The following ZBTB8OS variants were observed in gnomAD, a reference collection of about 807,000 sequenced individuals.
The protein encoded by ZBTB8OS is tRNA splicing ligase complex subunit 1, also known as tRNA-splicing ligase-activating factor archease.
In ZBTB8OS, 16 loss-of-function variants were observed where a neutral mutation model predicts 29.3. That is an observed-to-expected ratio of 0.55 (90% CI 0.37 to 0.83). ZBTB8OS has a LOEUF of 0.83. Among genes scored for constraint, ZBTB8OS ranks in the 40% least tolerant of loss-of-function variants. The pLI is 0.00. For missense variants in ZBTB8OS, 160 were observed against 196.9 expected (o/e 0.81, Z 1.12); for synonymous variants, 70 against 64.6 (o/e 1.08, Z -0.40).
At chr1:32,646,630 C>T (rs540298250) in intron 1 of ZBTB8OS, among the ~76,000 whole-genome samples, 59 of 151,090 alleles carry the variant, frequency 3.9e-4, no homozygotes, top group Non-Finnish European at 7.7e-4. Context: ...CCTCGTGATC[C>T]GCCGGCCAAA....
chr1:32,650,420 G>C lies in ZBTB8OS; in HGVS notation c.97+13C>G. On this transcript the variant is annotated intron_variant, in intron 1 of 6. Transcript: ENST00000468695. ...TGCTTACATGTAAAGAGAGAAGTAAGCCACCTACTCACACTCGTACTTCCT... is the reference window on the plus strand; with the variant it reads ...TGCTTACATGTAAAGAGAGAAGTAACCCACCTACTCACACTCGTACTTCCT... 1 of 1,614,098 alleles carries C rather than the reference G, an allele frequency of 6.2e-7. No homozygotes were observed. Among genetic ancestry groups the C allele is most frequent in the Non-Finnish European group, 8.5e-7 (1 of 1,179,976 alleles).
chr1:32,641,869 C>T (rs893440016), intron 1 of ZBTB8OS, among the ~76,000 whole-genome samples: 1 of 151,998 alleles, frequency 6.6e-6, no homozygotes, highest in Admixed American at 6.6e-5. Context: ...TGCAGTGAGC[C>T]GAGATTGTGC....
intron 1 of ZBTB8OS, among the ~76,000 whole-genome samples, chr1:32,642,931 C>G (rs1003565117): frequency 1.4e-5 from 2 of 140,198 alleles, no homozygotes; most frequent in Non-Finnish European, 3.1e-5. Flanking sequence ...CCACCACGCA[C>G]GGCTAATTTT....
rs577098954 is a variant in ZBTB8OS, at chr1:32,650,299, C to T, written c.97+134G>A. The T allele has an allele frequency of 1.4e-5, 18 of 1,261,342 alleles. 1 individual carries two copies. The South Asian group carries it at 2.5e-4, about 17-fold the overall frequency. The allele number at this position is 1,261,342 out of a possible 1,614,324, so 78.1% of individuals were successfully genotyped here. ...CCCAGGAGAAGTACGAACGCGACTA[C>T]AACAGCCGGCACAAATGGGATCATG... On this transcript the variant is annotated intron_variant, in intron 1 of 6. Coordinates refer to ENST00000468695, the MANE Select transcript of ZBTB8OS (RefSeq NM_178547.5).
intron 1 of ZBTB8OS, among the ~76,000 whole-genome samples, chr1:32,649,011 G>A (rs1290256201): frequency 2.1e-5 from 3 of 141,228 alleles, no homozygotes; most frequent in Non-Finnish European, 4.5e-5. Flanking sequence ...CTGTTGCCCA[G>A]GCTGGAGTGC....
chr1:32,622,490 T>C (rs1223141181), intron 6 of ZBTB8OS, among the ~76,000 whole-genome samples: 1 of 152,110 alleles, frequency 6.6e-6, no homozygotes, highest in African/African-American at 2.4e-5. Context: ...TCAAATACCA[T>C]GTTTCCATAT....
intron 4 of ZBTB8OS, chr1:32,632,231 A>G (rs1557768864): frequency 6.5e-6 from 1 of 154,752 alleles, no homozygotes; most frequent in Admixed American, 6.6e-5. Context: ...CTGGTCTCGA[A>G]CTCCTGACCT....
intron 2 of ZBTB8OS, 24 bp from the exon 3 acceptor site, chr1:32,634,096 G>GT: frequency 6.9e-7 from 1 of 1,444,286 alleles, no homozygotes; most frequent in African/African-American, 1.5e-5. Context: ...TTCATGCTCT[G>GT]TGTAATACAA....
At chr1:32,628,063 G>C (rs1241901860) in intron 5 of ZBTB8OS, among the ~76,000 whole-genome samples, 1 of 152,072 alleles carries the variant, frequency 6.6e-6, no homozygotes. Context: ...TTTAATTATA[G>C]GCCAGGCGCG....
At chr1:32,636,693 G>GA (rs57720228) in intron 1 of ZBTB8OS, among the ~76,000 whole-genome samples, 3,241 of 138,120 alleles carry the variant, frequency 0.023, 115 homozygotes, top group African/African-American at 0.065. Flanking sequence ...TCAAAAAATG[G>GA]AAAAAAAAAA....
At chr1:32,637,932 C>T (rs1414404333) in intron 1 of ZBTB8OS, among the ~76,000 whole-genome samples, 1 of 152,100 alleles carries the variant, frequency 6.6e-6, no homozygotes, top group Non-Finnish European at 1.5e-5. Flanking sequence ...CTCCCAGGTT[C>T]AAGTGATTCT....
chr1:32,621,639 T>G lies in ZBTB8OS; in HGVS notation c.*223A>C. 1.0e-5 allele frequency: 5 copies of G among 495,636 alleles called. No homozygotes were observed. The highest frequency in any genetic ancestry group is 2.0e-5 in the African/African-American group (1 of 49,980). The allele number at this position is 495,636 out of a possible 1,614,324, so 30.7% of individuals were successfully genotyped here. A position where few individuals can be genotyped will look rare whatever the true frequency, so the allele number is the denominator to read the frequency against. On this transcript the variant is annotated 3_prime_UTR_variant, in exon 7 of 7. Transcript: ENST00000468695. ...GAATCAAAGGACCATAACTGTCCCT[T>G]GGGGGGTTGAAGAATTCTTTAAAGT...
chr1:32,641,076 G>A (rs1251856765), intron 1 of ZBTB8OS, among the ~76,000 whole-genome samples: 3 of 151,692 alleles, frequency 2.0e-5, no homozygotes, highest in African/African-American at 7.2e-5. Context: ...GGAGGCCGAG[G>A]CAGAAGAATC....
intron 1 of ZBTB8OS, among the ~76,000 whole-genome samples, chr1:32,635,779 G>A (rs1645906710): frequency 6.6e-6 from 1 of 152,060 alleles, no homozygotes; most frequent in Non-Finnish European, 1.5e-5. Flanking sequence ...GTTCATTTCT[G>A]GTGGGCCCAA....
intron 1 of ZBTB8OS, among the ~76,000 whole-genome samples, chr1:32,649,468 A>C (rs1299024255): frequency 6.6e-6 from 1 of 152,134 alleles, no homozygotes; most frequent in Non-Finnish European, 1.5e-5. Flanking sequence ...TTTAGGGATG[A>C]CAGCTTAACG....
chr1:32,631,733 C>T (rs1645571945), intron 5 of ZBTB8OS, 94 bp downstream of exon 5: 8 of 900,906 alleles, frequency 8.9e-6, no homozygotes, highest in Non-Finnish European at 1.4e-5. Flanking sequence ...CTGCAAGTGG[C>T]CCTCTGATTT....
chr1:32,643,494 G>A (rs1646595397), intron 1 of ZBTB8OS, among the ~76,000 whole-genome samples: 2 of 151,544 alleles, frequency 1.3e-5, no homozygotes, highest in Non-Finnish European at 2.9e-5. Context: ...CTGGGCTCAA[G>A]AGATCCCTCC....
In ZBTB8OS at chr1:32,634,055, T is replaced by C. The variant is rs1035972889; in HGVS notation, c.140A>G (p.Asp47Gly). 6.3e-7 allele frequency: 1 copy of C among 1,589,994 alleles called. No homozygotes were observed. Among genetic ancestry groups the C allele is most frequent in the South Asian group, 1.2e-5 (1 of 86,176 alleles). ...TADVQLHAWG[D>G]TLEEAFEQCA... ...TTGCTCAAATGCTTCCTCCAGAGTA[T>C]CTCCCCATGCGTGTAACCTAAAGAA... The change falls in exon 3 of 7, where the codon GAT becomes GGT. Residue 47 changes from aspartate (D) to glycine (G), a missense_variant. Transcript: ENST00000468695.
At chr1:32,645,027 A>G (rs1302932815) in intron 1 of ZBTB8OS, among the ~76,000 whole-genome samples, 2 of 151,688 alleles carry the variant, frequency 1.3e-5, no homozygotes, top group Non-Finnish European at 2.9e-5. Context: ...AAAAATACAA[A>G]AATTAGCTGG....
Sources: allele counts gnomAD v4.1 joint callset (sites outside exome capture counted in the v4.1 genomes callset), GRCh38; gene constraint gnomAD v4.1.1; transcripts MANE v1.5; gene names NCBI Gene and HGNC (gene_info 2026-07-23, HGNC 2026-07-21).